Variants in P3H2 observed in about 807,000 individuals in gnomAD.
P3H2 encodes prolyl 3-hydroxylase 2.
Under a neutral mutation model 87.0 loss-of-function variants are expected in P3H2, and 80 were observed. The ratio of observed to expected loss-of-function variants is 0.92; its 90% CI spans 0.77 to 1.11. The LOEUF is 1.11. Ranked by LOEUF, P3H2 falls within the 50% of genes least tolerant of loss-of-function variation. The pLI, the probability that P3H2 is intolerant of heterozygous loss-of-function variation, is 0.00. For synonymous variants in P3H2, 367 were observed against 359.3 expected (o/e 1.02, Z -0.24); for missense variants, 1,001 against 923.9 (o/e 1.08, Z -1.08).
intron 8 of P3H2, 68 bp from the exon 9 acceptor site, chr3:189,974,753 A>G: frequency 6.3e-7 from 1 of 1,591,742 alleles, no homozygotes; most frequent in Non-Finnish European, 8.6e-7. Flanking sequence ...AGAATACCAA[A>G]CAGCTTTCAA....
chr3:189,973,233 T>A, intron 10 of P3H2: 1 of 566,956 alleles, frequency 1.8e-6, no homozygotes, highest in Non-Finnish European at 3.1e-6. Flanking sequence ...AAAAGCTACT[T>A]GGTTCCTCTT....
intron 1 of P3H2, among the ~76,000 whole-genome samples, chr3:190,095,303 C>CATATATATATATAT (rs57074960): frequency 1.0e-4 from 5 of 49,446 alleles, no homozygotes; most frequent in African/African-American, 1.8e-4. Context: ...TGTCTCAAAA[C>CATATATATATATAT]ATATATATAT....
chr3:190,013,760 T>C (rs1330278784), intron 1 of P3H2, among the ~76,000 whole-genome samples: 2 of 152,200 alleles, frequency 1.3e-5, no homozygotes, highest in East Asian at 3.8e-4. Context: ...GTAAGTGGAA[T>C]GGTCCTGGCT....
At chr3:190,053,385 T>C (rs145617473) in intron 1 of P3H2, among the ~76,000 whole-genome samples, 59 of 152,172 alleles carry the variant, frequency 3.9e-4, no homozygotes, top group African/African-American at 1.4e-3. Flanking sequence ...TTGTTAGGTA[T>C]ATATTTTTCA....
Position 189,973,507 on chromosome 3 carries a change from CTTTCTTTTTT to C in P3H2, c.1548+392_1548+401del, listed in dbSNP as rs1429061712. 3.9e-3 allele frequency among the ~76,000 whole-genome samples: 306 copies of C among 78,964 alleles called. 5 individuals are homozygous for C. In the East Asian group the frequency reaches 0.054, roughly 14 times the overall value. 51.8% of individuals were successfully genotyped at this position (78,964 alleles called of 152,430 possible). On this transcript the variant is annotated intron_variant, in intron 10 of 14. Transcript: ENST00000319332. ...TCAAAACTTTTTTCTTTCTTTCTTT[CTTTCTTTTTT>C]TTTTTTTTTTTTTTTTTTTTTAAGA...
intron 1 of P3H2, among the ~76,000 whole-genome samples, chr3:190,052,233 C>T (rs1373343484): frequency 6.6e-6 from 1 of 152,028 alleles, no homozygotes; most frequent in African/African-American, 2.4e-5. Context: ...AATGCTCTCC[C>T]TTCCTCTTGC....
At chr3:190,009,904 T>C (rs987529909) in intron 1 of P3H2, among the ~76,000 whole-genome samples, 2 of 152,130 alleles carry the variant, frequency 1.3e-5, no homozygotes, top group African/African-American at 4.8e-5. Context: ...GTAGAGGAAG[T>C]ACTGTGGGAA....
intron 13 of P3H2, chr3:189,969,904 C>A: frequency 1.1e-6 from 1 of 909,042 alleles, no homozygotes; most frequent in East Asian, 2.4e-5. Flanking sequence ...GCACTCGGGA[C>A]TAAGGGAATG....
Position 189,963,514 on chromosome 3 carries a change from G to A in P3H2, c.2034+444C>T, listed in dbSNP as rs556033631. 7.3e-5 allele frequency: 14 copies of A among 190,674 alleles called. No individual in the cohort carries two copies. The East Asian group carries it at 1.4e-3, about 19-fold the overall frequency. 11.8% of individuals were successfully genotyped at this position (190,674 alleles called of 1,614,324 possible). ...GGCTGAAGTGCAGTGGTGCGATCTC[G>A]GCTTACTGCAATTTACGCCTCCCAG... On this transcript the variant is annotated intron_variant, in intron 14 of 14. Coordinates refer to ENST00000319332, the MANE Select transcript of P3H2 (RefSeq NM_018192.4).
chr3:189,997,043 G>A (rs1376946711), intron 1 of P3H2, among the ~76,000 whole-genome samples: 1 of 152,138 alleles, frequency 6.6e-6, no homozygotes, highest in African/African-American at 2.4e-5. Flanking sequence ...TTATTTTTGA[G>A]ACGGAGTCTT....
At chr3:189,975,972 T>C (rs1723336524) in intron 8 of P3H2, among the ~76,000 whole-genome samples, 1 of 152,274 alleles carries the variant, frequency 6.6e-6, no homozygotes, top group Non-Finnish European at 1.5e-5. Flanking sequence ...TTATTTATTT[T>C]AGTAGTTTCA....
chr3:190,110,499 C>A (rs1346652094), intron 1 of P3H2, among the ~76,000 whole-genome samples: 1 of 152,228 alleles, frequency 6.6e-6, no homozygotes, highest in Non-Finnish European at 1.5e-5. Context: ...GTGAAAGTCT[C>A]TGTCCCTGGC....
At chr3:190,067,459 A>G (rs1031761304) in intron 1 of P3H2, among the ~76,000 whole-genome samples, 6 of 152,136 alleles carry the variant, frequency 3.9e-5, no homozygotes, top group Admixed American at 3.9e-4. Flanking sequence ...ACAAAATAAA[A>G]ACAAAGAATT....
intron 14 of P3H2, among the ~76,000 whole-genome samples, chr3:189,962,491 T>C (rs1320527898): frequency 1.3e-5 from 2 of 152,208 alleles, no homozygotes; most frequent in African/African-American, 2.4e-5. Flanking sequence ...ATTTTTTCTA[T>C]GCCTGGCTAT....
At chr3:190,072,894 G>C (rs988087645) in intron 1 of P3H2, among the ~76,000 whole-genome samples, 1 of 152,092 alleles carries the variant, frequency 6.6e-6, no homozygotes, top group Admixed American at 6.5e-5. Flanking sequence ...TCTATACTTT[G>C]CTTCTCTATA....
chr3:189,973,985 T>A lies in P3H2; in HGVS notation c.1472A>T (p.Asp491Val). ...GGGTGAAGTTTTTCCTCTGTATCCA[T>A]CACCAACAAGCATGATTCCCTGGAA... The part of the protein sequence containing the change: ...SVASGIMLVG[D>V]GYRGKTSPHT... Residue 491 changes from aspartate to valine, a missense_variant, in exon 10 of 15, where the codon GAT (aspartate) becomes GTT (valine). Asp to Val is a radical substitution (Grantham distance 152). Transcript: ENST00000319332. 1 of 1,613,890 alleles carries A rather than the reference T, an allele frequency of 6.2e-7. No individual in the cohort carries two copies. Among genetic ancestry groups the A allele is most frequent in the Admixed American group, 1.7e-5 (1 of 60,016 alleles).
At chr3:189,987,885 C>A in intron 4 of P3H2, 1 of 574,288 alleles carries the variant, frequency 1.7e-6, no homozygotes, top group East Asian at 3.1e-5. Flanking sequence ...TGCTTTGGTA[C>A]TAGTTGTTTT....
At chr3:189,962,278 G>A (rs1417713753) in intron 14 of P3H2, among the ~76,000 whole-genome samples, 21 of 147,140 alleles carry the variant, frequency 1.4e-4, no homozygotes, top group East Asian at 2.1e-4. Context: ...GGGTTCAAGC[G>A]ATTCCCCTGC....
At chr3:190,014,156 T>C (rs1030236453) in intron 1 of P3H2, among the ~76,000 whole-genome samples, 8 of 152,202 alleles carry the variant, frequency 5.3e-5, no homozygotes, top group Admixed American at 3.3e-4. Flanking sequence ...AAAGATGTGA[T>C]TTGAATATGA....
Sources: gnomAD v4.1 joint callset for allele counts (sites outside exome capture counted in the v4.1 genomes callset) on GRCh38, gnomAD v4.1.1 for gene constraint, MANE v1.5 for transcripts, NCBI Gene and HGNC (gene_info 2026-07-23, HGNC 2026-07-21) for gene names.